The following HHAT variants were observed in gnomAD, a reference collection of about 807,000 sequenced individuals.
HHAT encodes hedgehog acyltransferase.
HHAT carries 47 observed loss-of-function variants against 70.8 expected under a neutral mutation model. The ratio of observed to expected loss-of-function variants is 0.66; its 90% confidence interval spans 0.53 to 0.85. HHAT has a LOEUF of 0.85. Ranked by LOEUF, HHAT falls within the 40% of genes least tolerant of loss-of-function variation. The pLI is 0.00. For missense variants in HHAT, 609 were observed against 604.8 expected (o/e 1.01, Z -0.07); for synonymous variants, 228 against 247.6 (o/e 0.92, Z 0.74).
At chr1:210,581,783 T>C (rs1009754599) in intron 9 of HHAT, among the ~76,000 whole-genome samples, 4 of 152,220 alleles carry the variant, frequency 2.6e-5, no homozygotes, top group Admixed American at 2.0e-4. Flanking sequence ...CAATCATCCT[T>C]TCATTTCTGT....
At chr1:210,626,419 T>C (rs531656007) in intron 11 of HHAT, among the ~76,000 whole-genome samples, 1 of 152,288 alleles carries the variant, frequency 6.6e-6, no homozygotes, top group African/African-American at 2.4e-5. Context: ...CTCTGTGGAA[T>C]CATCTCTCTT....
chr1:210,566,596 G>C (rs1186126963), intron 9 of HHAT, among the ~76,000 whole-genome samples: 1 of 152,148 alleles, frequency 6.6e-6, no homozygotes, highest in Non-Finnish European at 1.5e-5. Context: ...CAGCATGGCA[G>C]AGAAGGGGAG....
intron 11 of HHAT, among the ~76,000 whole-genome samples, chr1:210,671,531 A>T (rs1680080571): frequency 6.6e-6 from 1 of 152,210 alleles, no homozygotes; most frequent in Non-Finnish European, 1.5e-5. Context: ...CTTGTCAGGC[A>T]TCTTGAGAGG....
intron 2 of HHAT, among the ~76,000 whole-genome samples, chr1:210,359,511 T>C (rs899002477): frequency 4.6e-5 from 7 of 152,106 alleles, no homozygotes; most frequent in Non-Finnish European, 1.0e-4. Context: ...TCATTTGATC[T>C]TGCGGCTCCC....
chr1:210,360,846 CT>C lies in HHAT; in HGVS notation c.92-1987del, dbSNP rs3036585. The stretch of plus-strand genomic sequence containing the variant: ...ATATTGGAATAAATAATTAACTTCA[CT>C]TTTTTTTTTTTTTTTTTTAACTTTG... On this transcript the variant is annotated intron_variant, in intron 2 of 11. Coordinates refer to ENST00000261458, the MANE Select transcript of HHAT (RefSeq NM_018194.6). 8.4e-3 allele frequency among the ~76,000 whole-genome samples: 1,041 copies of C among 124,274 alleles called. 7 individuals are homozygous for C. The highest frequency in any genetic ancestry group is 0.031 in the East Asian group (131 of 4,266). 81.5% of individuals were successfully genotyped at this position (124,274 alleles called of 152,430 possible).
At chr1:210,490,685 C>T (rs769769852) in intron 8 of HHAT, among the ~76,000 whole-genome samples, 2 of 152,174 alleles carry the variant, frequency 1.3e-5, no homozygotes, top group East Asian at 1.9e-4. Context: ...GACATACCTG[C>T]TGACCTGATG....
chr1:210,501,379 A>T (rs750385606), intron 8 of HHAT, among the ~76,000 whole-genome samples: 17 of 152,176 alleles, frequency 1.1e-4, no homozygotes, highest in Admixed American at 2.0e-4. Flanking sequence ...GCCCTGCTTC[A>T]TCGGTTGCAT....
intron 8 of HHAT, among the ~76,000 whole-genome samples, chr1:210,504,899 ATTC>A (rs1174743203): frequency 9.1e-6 from 1 of 109,480 alleles, no homozygotes; most frequent in African/African-American, 3.3e-5. Context: ...GTAGCTTTTT[ATTC>A]TTTTTTTTTT....
chr1:210,556,628 T>TTAAGTGG (rs1302179859), intron 9 of HHAT, among the ~76,000 whole-genome samples: 1 of 152,206 alleles, frequency 6.6e-6, no homozygotes. Flanking sequence ...AGAGGGGAGC[T>TTAAGTGG]GATATGACAG....
intron 7 of HHAT, chr1:210,462,333 G>A (rs1473935807): frequency 7.2e-5 from 11 of 152,154 alleles, no homozygotes; most frequent in Admixed American, 7.2e-4. Context: ...GCTTTAATCA[G>A]TCATTCTTAC....
chr1:210,560,073 T>C (rs189905998), intron 9 of HHAT, among the ~76,000 whole-genome samples: 115 of 152,256 alleles, frequency 7.6e-4, no homozygotes, highest in African/African-American at 2.6e-3. Context: ...GGCAAAGTTT[T>C]CCTGTGTGCT....
At chr1:210,456,030 T>G (rs1349164610) in intron 7 of HHAT, among the ~76,000 whole-genome samples, 2 of 152,136 alleles carry the variant, frequency 1.3e-5, no homozygotes, top group Non-Finnish European at 2.9e-5. Flanking sequence ...ATAGCTCTCA[T>G]CAGGAGAGCA....
intron 7 of HHAT, among the ~76,000 whole-genome samples, chr1:210,429,816 T>A (rs1219273210): frequency 6.6e-6 from 1 of 151,930 alleles, no homozygotes; most frequent in Non-Finnish European, 1.5e-5. Context: ...GAATATCTTC[T>A]TCCCCAATAA....
intron 7 of HHAT, among the ~76,000 whole-genome samples, chr1:210,432,465 A>G (rs1403752275): frequency 6.6e-6 from 1 of 151,980 alleles, no homozygotes; most frequent in African/African-American, 2.4e-5. Context: ...TCATTTTGGC[A>G]AATGGGAGGT....
At chr1:210,534,338 G>T (rs1265681950) in intron 9 of HHAT, among the ~76,000 whole-genome samples, 1 of 152,176 alleles carries the variant, frequency 6.6e-6, no homozygotes, top group Non-Finnish European at 1.5e-5. Flanking sequence ...GAGGATGTGG[G>T]AGATGATTAT....
chr1:210,576,384 A>T (rs531942404), intron 9 of HHAT, among the ~76,000 whole-genome samples: 2 of 152,208 alleles, frequency 1.3e-5, no homozygotes, highest in Admixed American at 1.3e-4. Flanking sequence ...ACATAAAGTA[A>T]TAAGCATATC....
chr1:210,540,495 A>G lies in HHAT; in HGVS notation c.1043+27307A>G, dbSNP rs1273745873. On this transcript the variant is annotated intron_variant, in intron 9 of 11. Coordinates refer to ENST00000261458, the MANE Select transcript of HHAT (RefSeq NM_018194.6). ...CGCACACACATGCACACACACGCAC[A>G]CACACATGCACACACACACAAACAC... Among the ~76,000 whole-genome samples, 62 of 138,428 alleles carry G rather than the reference A, an allele frequency of 4.5e-4. 1 individual carries two copies. In the South Asian group the frequency reaches 0.015, roughly 33 times the overall value. 90.8% of individuals were successfully genotyped at this position (138,428 alleles called of 152,430 possible).
intron 8 of HHAT, among the ~76,000 whole-genome samples, chr1:210,511,780 CTTTTTTTT>C (rs201825628): frequency 9.0e-5 from 8 of 88,454 alleles, no homozygotes; most frequent in African/African-American, 3.3e-4. Flanking sequence ...GCCGCCTGGT[CTTTTTTTT>C]TTTTTTTTTT....
intron 11 of HHAT, among the ~76,000 whole-genome samples, chr1:210,662,917 T>C (rs1678071763): frequency 6.6e-6 from 1 of 152,122 alleles, no homozygotes; most frequent in Non-Finnish European, 1.5e-5. Context: ...CTGTTTGTGC[T>C]GGTTAAAATG....
Sources: gnomAD v4.1 joint callset for allele counts (sites outside exome capture counted in the v4.1 genomes callset) on GRCh38, gnomAD v4.1.1 for gene constraint, MANE v1.5 for transcripts, NCBI Gene and HGNC (gene_info 2026-07-23, HGNC 2026-07-21) for gene names.